Variants in TMEM132D observed in about 807,000 individuals in gnomAD.
The protein encoded by TMEM132D is mature OL transmembrane protein.
TMEM132D carries 21 observed loss-of-function variants against 62.3 expected under a neutral mutation model. The ratio of observed to expected loss-of-function variants is 0.34; its 90% CI spans 0.24 to 0.49. The LOEUF is 0.49. TMEM132D is among the 20% of genes least tolerant of loss of function. The probability of loss-of-function intolerance (pLI) is 0.99; values close to 1 mark genes in which losing one functional copy is unlikely to be tolerated. For missense variants in TMEM132D, 1,346 were observed against 1,402.8 expected (o/e 0.96, Z 0.65); for synonymous variants, 621 against 575.6 (o/e 1.08, Z -1.13).
At chr12:129,404,753 A>T (rs141631576) in intron 3 of TMEM132D, among the ~76,000 whole-genome samples, 1 of 152,252 alleles carries the variant, frequency 6.6e-6, no homozygotes, top group African/African-American at 2.4e-5. Context: ...AAACTCATTC[A>T]TCACCAAGGA....
chr12:129,347,416 C>T (rs888308815), intron 3 of TMEM132D, among the ~76,000 whole-genome samples: 6 of 152,132 alleles, frequency 3.9e-5, no homozygotes, highest in African/African-American at 1.2e-4. Context: ...ACATCTACAA[C>T]CATCTGATCT....
intron 3 of TMEM132D, among the ~76,000 whole-genome samples, chr12:129,519,017 T>G (rs887787261): frequency 6.6e-6 from 1 of 152,198 alleles, no homozygotes; most frequent in Non-Finnish European, 1.5e-5. Context: ...TTGAATAGAA[T>G]ACACTTTCCC....
intron 4 of TMEM132D, among the ~76,000 whole-genome samples, chr12:129,211,364 T>G (rs769838997): frequency 2.6e-5 from 4 of 152,210 alleles, no homozygotes; most frequent in Non-Finnish European, 5.9e-5. Context: ...TCACTCATGG[T>G]TATTCAATCG....
chr12:129,534,753 T>C (rs887502482), intron 2 of TMEM132D, among the ~76,000 whole-genome samples: 3 of 152,144 alleles, frequency 2.0e-5, no homozygotes, highest in African/African-American at 7.2e-5. Flanking sequence ...TGGAATATAA[T>C]CTTGAACAAA....
intron 4 of TMEM132D, among the ~76,000 whole-genome samples, chr12:129,293,661 T>G (rs1881502607): frequency 6.6e-6 from 1 of 152,182 alleles, no homozygotes; most frequent in South Asian, 2.1e-4. Flanking sequence ...TCATCAGGCA[T>G]TAGATTCTCA....
At chr12:129,577,886 A>T (rs1877721455) in intron 2 of TMEM132D, among the ~76,000 whole-genome samples, 1 of 152,176 alleles carries the variant, frequency 6.6e-6, no homozygotes, top group African/African-American at 2.4e-5. Context: ...ATAGCTGATA[A>T]AACATTAATT....
chr12:129,190,268 G>A (rs1593290559), intron 5 of TMEM132D, among the ~76,000 whole-genome samples: 1 of 64,830 alleles, frequency 1.5e-5, no homozygotes, highest in East Asian at 6.9e-4. Context: ...TCTCAGGCCT[G>A]CAGATGGAGG....
rs188258602 is a variant in TMEM132D, at chr12:129,398,626, G to A, written c.1116-60809C>T. ...ATGAGGATCACATCTTCACCTTAGG[G>A]AAAGACACACGATATATAAATTGTA... On this transcript the variant is annotated intron_variant, in intron 3 of 8. Coordinates refer to ENST00000422113, the MANE Select transcript of TMEM132D (RefSeq NM_133448.3). Among the ~76,000 whole-genome samples the A allele has an allele frequency of 2.2e-3, 339 of 152,300 alleles. 3 individuals carry two copies. Among genetic ancestry groups the A allele is most frequent in the African/African-American group, 7.7e-3 (322 of 41,572 alleles).
intron 1 of TMEM132D, among the ~76,000 whole-genome samples, chr12:129,748,810 A>G (rs901849838): frequency 2.0e-5 from 3 of 152,214 alleles, no homozygotes; most frequent in Admixed American, 6.5e-5. Context: ...TATCCAAGAA[A>G]GTAAGAAATA....
intron 4 of TMEM132D, among the ~76,000 whole-genome samples, chr12:129,221,991 T>C (rs761344282): frequency 6.6e-6 from 1 of 152,228 alleles, no homozygotes; most frequent in Non-Finnish European, 1.5e-5. Flanking sequence ...TCAGTCAAAT[T>C]GGCACCTGCA....
chr12:129,809,066 G>T (rs966006187), intron 1 of TMEM132D, among the ~76,000 whole-genome samples: 15 of 152,170 alleles, frequency 9.9e-5, no homozygotes, highest in Admixed American at 5.2e-4. Context: ...CCAGCACTCT[G>T]GGAGGGCAAG....
intron 3 of TMEM132D, among the ~76,000 whole-genome samples, chr12:129,396,021 A>T (rs1397903664): frequency 1.4e-5 from 2 of 147,770 alleles, no homozygotes; most frequent in African/African-American, 2.5e-5. Flanking sequence ...TATAAGATAT[A>T]TATAATTATA....
At chr12:129,677,479 A>G (rs1052093981) in intron 2 of TMEM132D, among the ~76,000 whole-genome samples, 16 of 152,210 alleles carry the variant, frequency 1.1e-4, no homozygotes, top group Non-Finnish European at 1.9e-4. Context: ...AGACTGATAC[A>G]ACAGTGAATG....
In TMEM132D at chr12:129,371,238, GTGA is replaced by G. The variant is rs1270143472; in HGVS notation, c.1116-33424_1116-33422del. Among the ~76,000 whole-genome samples the G allele has an allele frequency of 1.3e-5, 2 of 152,106 alleles. No homozygotes were observed. The highest frequency in any genetic ancestry group is 4.8e-5 in the African/African-American group (2 of 41,422). On this transcript the variant is annotated intron_variant, in intron 3 of 8. Transcript: ENST00000422113. The surrounding 1 kb of genome is among the most constrained non-coding windows in gnomAD (Gnocchi z 4.3). ...TTTTTAAATTATTGTTGTTACTGTG[GTGA>G]TGATGGTGGCAGTGATGATGATGAT...
At chr12:129,613,633 C>T (rs760273599) in intron 2 of TMEM132D, among the ~76,000 whole-genome samples, 1 of 152,234 alleles carries the variant, frequency 6.6e-6, no homozygotes, top group Non-Finnish European at 1.5e-5. Flanking sequence ...GCCATCGCAG[C>T]AACTTCTAGG....
At chr12:129,652,969 A>G (rs1593106204) in intron 2 of TMEM132D, among the ~76,000 whole-genome samples, 1 of 152,226 alleles carries the variant, frequency 6.6e-6, no homozygotes, top group East Asian at 1.9e-4. Flanking sequence ...AAACAATCGT[A>G]CGTATTTAAA....
rs143070487 is a variant in TMEM132D, at chr12:129,301,138, TC to T, written c.1299+36495del. ...GGGGTTGCTATTTAGTCTATCACTG[TC>T]CCGAGAGCAGAAGCTGGAAAGCAAG... On this transcript the variant is annotated intron_variant, in intron 4 of 8. Transcript: ENST00000422113. Among the ~76,000 whole-genome samples the T allele has an allele frequency of 8.0e-3, 1,215 of 152,288 alleles. 13 individuals are homozygous for T. The highest frequency in any genetic ancestry group is 0.028 in the African/African-American group (1,157 of 41,552).
At chr12:129,167,338 G>A (rs998010125) in intron 5 of TMEM132D, among the ~76,000 whole-genome samples, 1 of 152,094 alleles carries the variant, frequency 6.6e-6, no homozygotes, top group Non-Finnish European at 1.5e-5. Flanking sequence ...TAGCAGGAAG[G>A]GCAGAAACGT....
intron 1 of TMEM132D, among the ~76,000 whole-genome samples, chr12:129,752,189 A>G (rs184759262): frequency 6.6e-6 from 1 of 152,244 alleles, no homozygotes; most frequent in East Asian, 1.9e-4. Context: ...AGGTGTGAAA[A>G]TGTTGCTATA....
Sources: allele counts gnomAD v4.1 joint callset (sites outside exome capture counted in the v4.1 genomes callset), GRCh38; gene constraint gnomAD v4.1.1; non-coding constraint Gnocchi (gnomAD v3.1); transcripts MANE v1.5; gene names NCBI Gene and HGNC (gene_info 2026-07-23, HGNC 2026-07-21).